Variants in MIA2 observed in about 807,000 individuals in gnomAD.
MIA2 encodes the protein MIA SH3 domain ER export factor 2, also known as melanoma inhibitory activity protein 2.
In MIA2, 127 loss-of-function variants were observed where a neutral mutation model predicts 167.8. The observed-to-expected ratio is 0.76, with a 90% CI of 0.66 to 0.88. The LOEUF is 0.88. Among genes scored for constraint, MIA2 ranks in the 40% least tolerant of loss-of-function variants. The pLI, the probability that MIA2 is intolerant of heterozygous loss-of-function variation, is 0.00. For missense variants in MIA2, 1,690 were observed against 1,624.7 expected, an observed-to-expected ratio of 1.04 and a Z score of -0.69; for synonymous variants, 552 against 541.9, an observed-to-expected ratio of 1.02 and a Z score of -0.26.
chr14:39,293,153 G>A (rs2060958491), intron 10 of MIA2, 118 bp from the exon 11 acceptor site: 1 of 739,190 alleles, frequency 1.4e-6, no homozygotes, highest in East Asian at 2.8e-5. Context: ...TTATAAAAAT[G>A]AGCAAATGTA....
At chr14:39,286,533 T>C (rs560016838) in intron 9 of MIA2, among the ~76,000 whole-genome samples, 1 of 152,318 alleles carries the variant, frequency 6.6e-6, no homozygotes, top group South Asian at 2.1e-4. Flanking sequence ...TTTGTTTTGA[T>C]ATTATATCCT....
chr14:39,285,882 C>T (rs548189457), intron 9 of MIA2, among the ~76,000 whole-genome samples: 287 of 146,094 alleles, frequency 2.0e-3, no homozygotes, highest in African/African-American at 6.8e-3. Flanking sequence ...ACATCTCAGA[C>T]GATGGGCGGC....
chr14:39,268,938 A>C, intron 6 of MIA2: 1 of 897,820 alleles, frequency 1.1e-6, no homozygotes, highest in South Asian at 5.1e-5. Flanking sequence ...CCCTTTCTTC[A>C]CTAAAAACAA....
rs1328336296 is a variant in MIA2 at position 39,285,459 on chromosome 14, T to A, written c.2131-5560T>A. Among the ~76,000 whole-genome samples the A allele has an allele frequency of 2.6e-5, 3 of 117,358 alleles. 1 individual carries two copies. The highest frequency in any genetic ancestry group is 1.0e-4 in the African/African-American group (3 of 29,372). The allele number at this position is 117,358 out of a possible 152,430, so 77.0% of individuals were successfully genotyped here. ...CCACCTTCCTCCCGGACGGGGCGGC[T>A]GGCCGGGCGGGGGCTGACCCCCCAC... On this transcript the variant is annotated intron_variant, in intron 9 of 28. Coordinates refer to ENST00000640607, the MANE Select transcript of MIA2 (RefSeq NM_001329214.4).
At chr14:39,348,612 C>T in intron 27 of MIA2, 131 bp from the exon 28 acceptor site, 1 of 1,318,870 alleles carries the variant, frequency 7.6e-7, no homozygotes, top group Middle Eastern at 1.9e-4. Context: ...CTGTTTGAAT[C>T]TTTCTCTAGA....
intron 6 of MIA2, chr14:39,267,365 C>T (rs2056007363): frequency 6.3e-7 from 1 of 1,586,844 alleles, no homozygotes; most frequent in Non-Finnish European, 8.5e-7. Flanking sequence ...GGTGCGGATT[C>T]GGGTTCCGGA....
chr14:39,235,576 G>A lies in MIA2; in HGVS notation c.116-1346G>A, dbSNP rs138607876. 6.8e-3 allele frequency among the ~76,000 whole-genome samples: 1,031 copies of A among 152,066 alleles called. 6 individuals are homozygous for A. The highest frequency in any genetic ancestry group is 0.011 in the Non-Finnish European group (746 of 67,986). The stretch of plus-strand genomic sequence containing the variant: ...GAGGATCACTTGAGTCCAGAAGTTT[G>A]AGACCAGCCTGGGCAACATAGTGAG... On this transcript the variant is annotated intron_variant, in intron 1 of 28. Transcript: ENST00000640607.
At chr14:39,264,564 T>C (rs951375824) in intron 6 of MIA2, among the ~76,000 whole-genome samples, 19 of 152,238 alleles carry the variant, frequency 1.2e-4, no homozygotes, top group African/African-American at 4.6e-4. Flanking sequence ...TATATATTCT[T>C]AAGTAGAATG....
chr14:39,375,888 G>A (rs2075034357), intron 23 of MIA2, among the ~76,000 whole-genome samples: 2 of 152,260 alleles, frequency 1.3e-5, no homozygotes, highest in South Asian at 4.1e-4. Context: ...TTTAAAGCAG[G>A]ATATTGTTAT....
intron 21 of MIA2, among the ~76,000 whole-genome samples, 155 bp from the exon 22 acceptor site, chr14:39,317,789 T>TA (rs1328403407): frequency 6.6e-6 from 1 of 152,196 alleles, no homozygotes; most frequent in Non-Finnish European, 1.5e-5. Flanking sequence ...GTCTAAGTCT[T>TA]ACACTTTTTC....
chr14:39,246,046 C>A (rs529802155), intron 3 of MIA2, among the ~76,000 whole-genome samples: 5 of 151,302 alleles, frequency 3.3e-5, no homozygotes, highest in Admixed American at 3.3e-4. Flanking sequence ...CATTGATTGC[C>A]TCTGCTTCTC....
intron 4 of MIA2, among the ~76,000 whole-genome samples, chr14:39,249,338 T>C (rs2054455828): frequency 6.6e-6 from 1 of 152,066 alleles, no homozygotes; most frequent in Non-Finnish European, 1.5e-5. Context: ...AGATGGGGTC[T>C]CCTTATGTTG....
At chr14:39,269,073 AGT>A in intron 6 of MIA2, 20 of 362,086 alleles carry the variant, frequency 5.5e-5, no homozygotes, top group South Asian at 2.6e-4. Context: ...TCACCTGCAC[AGT>A]TTTTTTTTTT....
chr14:39,290,692 T>C (rs1360190379), intron 9 of MIA2, among the ~76,000 whole-genome samples: 1 of 152,222 alleles, frequency 6.6e-6, no homozygotes, highest in African/African-American at 2.4e-5. Flanking sequence ...GGATAATCTT[T>C]AGTACAATCT....
chr14:39,347,998 A>C (rs1001337408), intron 27 of MIA2, among the ~76,000 whole-genome samples: 1 of 151,952 alleles, frequency 6.6e-6, no homozygotes, highest in Admixed American at 6.6e-5. Flanking sequence ...TATTTAGTAG[A>C]GACGGAGTTT....
At chr14:39,321,147 T>G (rs961792021) in intron 24 of MIA2, 91 bp downstream of exon 24, 21 of 1,324,920 alleles carry the variant, frequency 1.6e-5, no homozygotes, top group Non-Finnish European at 2.1e-5. Flanking sequence ...TGTAAAATAT[T>G]TGGAAAATAC....
At chr14:39,280,911 GTTTTTTTT>G (rs751903170) in intron 9 of MIA2, among the ~76,000 whole-genome samples, 1 of 60,200 alleles carries the variant, frequency 1.7e-5, no homozygotes, top group Non-Finnish European at 3.0e-5. Context: ...TATTAGTTTA[GTTTTTTTT>G]TTTTTTTTTT....
chr14:39,309,733 C>A (rs2063897312), intron 18 of MIA2, among the ~76,000 whole-genome samples: 1 of 152,156 alleles, frequency 6.6e-6, no homozygotes, highest in Non-Finnish European at 1.5e-5. Flanking sequence ...ATTTTCTTCA[C>A]TTCTGTATTC....
In MIA2 at chr14:39,277,042, T is replaced by A; in HGVS notation, c.1996T>A (p.Phe666Ile). ...TGTTGGATTTTTTGCTGTTCTCTTTTTTTTGTGGAGAAGTTTTAGATCGGT... is the reference window on the plus strand; with the variant it reads ...TGTTGGATTTTTTGCTGTTCTCTTTATTTTGTGGAGAAGTTTTAGATCGGT... ...AVVGFFAVLF[F>I]LWRSFRSVRS... Residue 666 changes from phenylalanine (F) to isoleucine (I), a missense_variant, in exon 7 of 29, where the codon TTT becomes ATT. Physicochemically the swap from Phe to Ile is conservative, Grantham distance 21. Coordinates refer to ENST00000640607, the MANE Select transcript of MIA2 (RefSeq NM_001329214.4). 1 of 1,613,770 alleles carries A rather than the reference T, an allele frequency of 6.2e-7. No individual in the cohort carries two copies. Among genetic ancestry groups the A allele is most frequent in the East Asian group, 2.2e-5 (1 of 44,860 alleles).
Sources: allele counts gnomAD v4.1 joint callset (sites outside exome capture counted in the v4.1 genomes callset), GRCh38; gene constraint gnomAD v4.1.1; transcripts MANE v1.5; gene names NCBI Gene and HGNC (gene_info 2026-07-23, HGNC 2026-07-21).